PRDM16: variants seen among roughly 807,000 people sequenced by gnomAD.
PRDM16 encodes the protein histone-lysine N-methyltransferase PRDM16.
Under a neutral mutation model 110.6 loss-of-function variants are expected in PRDM16, and 23 were observed. The observed-to-expected ratio is 0.21, with a 90% confidence interval of 0.15 to 0.29. PRDM16 has a LOEUF of 0.29. Ranked by LOEUF, PRDM16 falls within the 10% of genes least tolerant of loss-of-function variation. The probability of loss-of-function intolerance (pLI) is 1.00; values close to 1 mark genes in which losing one functional copy is unlikely to be tolerated. For synonymous variants in PRDM16, 799 were observed against 781.8 expected, an observed-to-expected ratio of 1.02 and a Z score of -0.37; for missense variants, 1,615 against 1,794.3, an observed-to-expected ratio of 0.90 and a Z score of 1.81.
intron 3 of PRDM16, among the ~76,000 whole-genome samples, chr1:3,283,228 C>T (rs1011758258): frequency 2.0e-5 from 3 of 152,174 alleles, no homozygotes; most frequent in African/African-American, 7.2e-5. Context: ...CACAGCTGCC[C>T]ATTAGAGGCG....
intron 2 of PRDM16, among the ~76,000 whole-genome samples, chr1:3,211,606 G>A (rs1388300394): frequency 2.0e-5 from 3 of 152,332 alleles, no homozygotes; most frequent in East Asian, 1.9e-4. Flanking sequence ...TCAAGGCCCC[G>A]GCCTCGTCCT....
intron 3 of PRDM16, among the ~76,000 whole-genome samples, chr1:3,379,530 T>C (rs555137820): frequency 2.0e-3 from 4 of 1,976 alleles, no homozygotes; most frequent in Admixed American, 6.3e-3. Context: ...CCCAACACAG[T>C]CCTCCCAGCA....
chr1:3,286,446 A>C (rs10797387), intron 3 of PRDM16, among the ~76,000 whole-genome samples: 33,921 of 151,780 alleles, frequency 0.22, 8,206 homozygotes, highest in African/African-American at 0.6. Context: ...TCCCATCAGC[A>C]CCTGCTCTGC....
At chr1:3,186,900 T>C (rs1327243951) in intron 2 of PRDM16, among the ~76,000 whole-genome samples, 1 of 152,186 alleles carries the variant, frequency 6.6e-6, no homozygotes, top group Non-Finnish European at 1.5e-5. Flanking sequence ...GTGGCCACGC[T>C]GCCCCGGCTG....
chr1:3,226,841 C>T (rs1416072965), intron 2 of PRDM16, among the ~76,000 whole-genome samples: 1 of 152,188 alleles, frequency 6.6e-6, no homozygotes, highest in East Asian at 1.9e-4. Flanking sequence ...TCTCCGAGCA[C>T]TTCTCCTAAT....
chr1:3,410,483 T>C (rs993843016), intron 8 of PRDM16, among the ~76,000 whole-genome samples: 2 of 152,166 alleles, frequency 1.3e-5, no homozygotes, highest in African/African-American at 4.8e-5. Flanking sequence ...TGACCTCCTA[T>C]CCATGTCCAC....
rs560818063 is a variant in PRDM16 at position 3,265,930 on chromosome 1, A to G, written c.438+21793A>G. Among the ~76,000 whole-genome samples, 8 of 152,110 alleles carry G rather than the reference A, an allele frequency of 5.3e-5. No individual in the cohort carries two copies. In the South Asian group the frequency reaches 1.7e-3, roughly 32 times the overall value. On this transcript the variant is annotated intron_variant, in intron 3 of 16. Transcript: ENST00000270722. The surrounding 1 kb of genome is among the most constrained non-coding windows in gnomAD (Gnocchi z 4.5). ...CCCAGGGTTCCTTGGTGCGTGTCTC[A>G]TAAAGCCCAGGAGGGCGAGGCCAGG...
At chr1:3,334,411 A>G (rs765328856) in intron 3 of PRDM16, among the ~76,000 whole-genome samples, 6 of 148,384 alleles carry the variant, frequency 4.0e-5, no homozygotes, top group Non-Finnish European at 6.0e-5. Flanking sequence ...ACCCCCCCAC[A>G]TTCTCTGAAG....
At chr1:3,426,558 A>G (rs1469115275) in intron 14 of PRDM16, among the ~76,000 whole-genome samples, 1 of 152,170 alleles carries the variant, frequency 6.6e-6, no homozygotes, top group Non-Finnish European at 1.5e-5. Context: ...GGACATTTTG[A>G]TTTAATCTGA....
rs904247484 is a variant in PRDM16 at position 3,243,891 on chromosome 1, G to A, written c.388-196G>A. ...TCCCTGGGGGGCGCTTGGAGTCCTC[G>A]GTGACTGGGGGAGCCTCTGCTGGAA... On this transcript the variant is annotated intron_variant, in intron 2 of 16. Transcript: ENST00000270722. This position sits in a 1 kb window ranked among gnomAD's most constrained non-coding sequence, Gnocchi z 5.5. 3.9e-5 allele frequency among the ~76,000 whole-genome samples: 6 copies of A among 152,068 alleles called. No individual in the cohort carries two copies. The highest frequency in any genetic ancestry group is 7.4e-5 in the Non-Finnish European group (5 of 67,996).
chr1:3,288,007 G>A (rs1345544175), intron 3 of PRDM16, among the ~76,000 whole-genome samples: 3 of 152,268 alleles, frequency 2.0e-5, no homozygotes, highest in Non-Finnish European at 4.4e-5. Context: ...CCTGGGCTCA[G>A]GGGTGGGCGG....
intron 1 of PRDM16, among the ~76,000 whole-genome samples, chr1:3,160,740 G>A (rs1207855391): frequency 1.3e-5 from 2 of 152,214 alleles, no homozygotes; most frequent in Non-Finnish European, 2.9e-5. Context: ...CTCAGGTGCT[G>A]TGCAGTGGGA....
chr1:3,303,085 A>G (rs879293952), intron 3 of PRDM16, among the ~76,000 whole-genome samples: 11 of 152,198 alleles, frequency 7.2e-5, no homozygotes, highest in Admixed American at 2.6e-4. Context: ...TTTTACTGAG[A>G]CGTAATTCAC....
chr1:3,408,879 C>T (rs963000705), intron 8 of PRDM16, among the ~76,000 whole-genome samples: 8 of 131,154 alleles, frequency 6.1e-5, no homozygotes, highest in African/African-American at 2.1e-4. Flanking sequence ...TGAGCTGGTG[C>T]GTGTGTGTGT....
chr1:3,318,967 A>G (rs1229766595), intron 3 of PRDM16, among the ~76,000 whole-genome samples: 1 of 152,260 alleles, frequency 6.6e-6, no homozygotes, highest in Non-Finnish European at 1.5e-5. Flanking sequence ...TACATTTTTA[A>G]TGCTGCAAAT....
At position 3,284,099 on chromosome 1, in the gene PRDM16, C is replaced by T. The variant is rs12029943; in HGVS notation, c.438+39962C>T. On this transcript the variant is annotated intron_variant, in intron 3 of 16. Transcript: ENST00000270722. Reference sequence around the variant, plus strand: ...CCATGGCCTGGGCCTGGGGCAGGGGCTGCTGCCCGCCACCCGCCACCCGTA... The same window carrying T: ...CCATGGCCTGGGCCTGGGGCAGGGGTTGCTGCCCGCCACCCGCCACCCGTA... Among the ~76,000 whole-genome samples, 79 of 152,238 alleles carry T rather than the reference C, an allele frequency of 5.2e-4. 1 individual carries two copies. In the East Asian group the frequency reaches 0.013, roughly 25 times the overall value.
chr1:3,140,021 C>T (rs1643516393), intron 1 of PRDM16, among the ~76,000 whole-genome samples: 1 of 152,272 alleles, frequency 6.6e-6, no homozygotes, highest in African/African-American at 2.4e-5. Context: ...GACGCATCTC[C>T]CTCGGAGAAT....
At chr1:3,239,402 G>A (rs549143043) in intron 2 of PRDM16, among the ~76,000 whole-genome samples, 151 of 151,978 alleles carry the variant, frequency 9.9e-4, no homozygotes, top group Non-Finnish European at 9.7e-4. Context: ...TGAGCCCCTC[G>A]ACCCCACAGT....
intron 3 of PRDM16, among the ~76,000 whole-genome samples, chr1:3,295,160 T>G (rs894318111): frequency 1.3e-5 from 2 of 152,130 alleles, no homozygotes; most frequent in Admixed American, 6.5e-5. Context: ...ACTGCTGAGG[T>G]GAGATGCATG....
Sources: gnomAD v4.1 joint callset for allele counts (sites outside exome capture counted in the v4.1 genomes callset) on GRCh38, gnomAD v4.1.1 for gene constraint, Gnocchi (gnomAD v3.1) non-coding constraint, MANE v1.5 for transcripts, NCBI Gene and HGNC (gene_info 2026-07-23, HGNC 2026-07-21) for gene names.